The following SLC9A9 variants were observed in gnomAD, a reference collection of about 807,000 sequenced individuals.
SLC9A9 encodes sodium/hydrogen exchanger 9.
A neutral mutation model predicts 77.8 loss-of-function variants in SLC9A9; 62 were observed. That is an observed-to-expected ratio of 0.80 (90% CI 0.65 to 0.98). The LOEUF (loss-of-function observed/expected upper bound fraction) is 0.98, where lower values mean the gene tolerates loss of function less well. Ranked by LOEUF, SLC9A9 falls within the 50% of genes least tolerant of loss-of-function variation. The pLI is 0.00. For missense variants in SLC9A9, 775 were observed against 774.9 expected, an observed-to-expected ratio of 1.00 and a Z score of 0.00; for synonymous variants, 320 against 283.5, an observed-to-expected ratio of 1.13 and a Z score of -1.29.
chr3:143,671,025 C>T (rs943122646), intron 5 of SLC9A9, among the ~76,000 whole-genome samples: 1 of 152,212 alleles, frequency 6.6e-6, no homozygotes, highest in African/African-American at 2.4e-5. Context: ...TCTCCCATCT[C>T]TGCCACTTAC....
rs1283908977 is a variant in SLC9A9 at position 143,449,759 on chromosome 3, GTATATATAATTATATATATT to G, written c.1469+17258_1469+17277del. Among the ~76,000 whole-genome samples, 4 of 9,478 alleles carry G rather than the reference GTATATATAATTATATATATT, an allele frequency of 4.2e-4. 2 individuals are homozygous for G. Among genetic ancestry groups the G allele is most frequent in the Admixed American group, 4.9e-3 (2 of 408 alleles). 6.2% of individuals were successfully genotyped at this position (9,478 alleles called of 152,430 possible). ...ATTATATAAAATAAAAATTATACAAGTATATATAATTATATATATTTATATATAATTATATATATTTTATA... is the reference window on the plus strand; with the variant it reads ...ATTATATAAAATAAAAATTATACAAGTATATATAATTATATATATTTTATA... On this transcript the variant is annotated intron_variant, in intron 12 of 15. Coordinates refer to ENST00000316549, the MANE Select transcript of SLC9A9 (RefSeq NM_173653.4).
Position 143,265,953 on chromosome 3 carries a change from T to C in SLC9A9, c.*749A>G. 1.5e-6 allele frequency: 1 copy of C among 661,418 alleles called. No homozygotes were observed. Among genetic ancestry groups the C allele is most frequent in the African/African-American group, 1.8e-5 (1 of 56,000 alleles). The allele number at this position is 661,418 out of a possible 1,614,324, so 41.0% of individuals were successfully genotyped here. ...ATGCAGGCAAGGACGGGAAGGCTTGTTCTTCAGGCACAACGTGGTATGGGG... is the reference window on the plus strand; with the variant it reads ...ATGCAGGCAAGGACGGGAAGGCTTGCTCTTCAGGCACAACGTGGTATGGGG... On this transcript the variant is annotated 3_prime_UTR_variant, in exon 16 of 16. Coordinates refer to ENST00000316549, the MANE Select transcript of SLC9A9 (RefSeq NM_173653.4).
chr3:143,832,508 A>T (rs146580717), intron 1 of SLC9A9, among the ~76,000 whole-genome samples: 1 of 152,246 alleles, frequency 6.6e-6, no homozygotes, highest in African/African-American at 2.4e-5. Flanking sequence ...CCTTCTATCC[A>T]TCCAAATACT....
At chr3:143,569,788 G>T (rs1341196468) in intron 8 of SLC9A9, among the ~76,000 whole-genome samples, 1 of 150,786 alleles carries the variant, frequency 6.6e-6, no homozygotes, top group Non-Finnish European at 1.5e-5. Flanking sequence ...ACAGTCAAAA[G>T]GTTAATTTTC....
intron 14 of SLC9A9, among the ~76,000 whole-genome samples, chr3:143,356,220 T>C (rs541928631): frequency 6.6e-6 from 1 of 152,304 alleles, no homozygotes; most frequent in African/African-American, 2.4e-5. Flanking sequence ...ATTTAGGCCA[T>C]AGGGTCTTGA....
chr3:143,278,222 T>G (rs966909901), intron 14 of SLC9A9, among the ~76,000 whole-genome samples: 1 of 152,180 alleles, frequency 6.6e-6, no homozygotes. Context: ...CTCAGAGCAC[T>G]AAGTCAAAGA....
chr3:143,533,418 G>A (rs2036545504), intron 9 of SLC9A9, among the ~76,000 whole-genome samples: 1 of 152,116 alleles, frequency 6.6e-6, no homozygotes, highest in Admixed American at 6.5e-5. Context: ...TTTGACTTCT[G>A]GTAGGCATTA....
chr3:143,842,007 G>T (rs140247000), intron 1 of SLC9A9, among the ~76,000 whole-genome samples: 1 of 152,090 alleles, frequency 6.6e-6, no homozygotes, highest in African/African-American at 2.4e-5. Context: ...CACTTGCCTC[G>T]GCCTCCCAAA....
In SLC9A9 at chr3:143,543,169, C is replaced by A. The variant is rs189952822; in HGVS notation, c.1089+9193G>T. The stretch of plus-strand genomic sequence containing the variant: ...CCTAAAAGGCTTAACCAATTATTAC[C>A]CTTATAGGATAGAATTCTTCCAAGG... On this transcript the variant is annotated intron_variant, in intron 9 of 15. Transcript: ENST00000316549. 8.5e-5 allele frequency among the ~76,000 whole-genome samples: 13 copies of A among 152,202 alleles called. No homozygotes were observed. The East Asian group carries it at 2.5e-3, about 29-fold the overall frequency.
At chr3:143,789,657 A>C (rs2008159862) in intron 4 of SLC9A9, among the ~76,000 whole-genome samples, 1 of 152,034 alleles carries the variant, frequency 6.6e-6, no homozygotes, top group African/African-American at 2.4e-5. Flanking sequence ...TATCCTAATT[A>C]AGAACAGGTT....
intron 5 of SLC9A9, among the ~76,000 whole-genome samples, chr3:143,662,123 TGTA>T (rs988837302): frequency 6.6e-6 from 1 of 152,200 alleles, no homozygotes; most frequent in Non-Finnish European, 1.5e-5. Context: ...AGCCACATTT[TGTA>T]GTTCAGTGTC....
chr3:143,399,246 A>G (rs189977784), intron 12 of SLC9A9, among the ~76,000 whole-genome samples: 284 of 152,332 alleles, frequency 1.9e-3, no homozygotes, highest in African/African-American at 6.6e-3. Flanking sequence ...ACACATAAAA[A>G]GAGAAGAAAA....
chr3:143,824,659 C>A (rs1209141450), intron 2 of SLC9A9, among the ~76,000 whole-genome samples: 2 of 152,142 alleles, frequency 1.3e-5, no homozygotes, highest in Non-Finnish European at 2.9e-5. Context: ...GCACCTAAAA[C>A]CAATGCCTGG....
At chr3:143,563,205 T>A (rs1027611107) in intron 8 of SLC9A9, among the ~76,000 whole-genome samples, 5 of 152,182 alleles carry the variant, frequency 3.3e-5, no homozygotes, top group African/African-American at 1.2e-4. Context: ...TCTATGCTTC[T>A]TGGGGAAAAA....
At chr3:143,356,688 CT>C (rs991457921) in intron 14 of SLC9A9, among the ~76,000 whole-genome samples, 8 of 151,864 alleles carry the variant, frequency 5.3e-5, no homozygotes, top group African/African-American at 1.2e-4. Context: ...GCTCAGTTAA[CT>C]TTTTTTGTAG....
intron 6 of SLC9A9, among the ~76,000 whole-genome samples, chr3:143,582,624 C>G (rs1022125571): frequency 6.6e-6 from 1 of 152,044 alleles, no homozygotes; most frequent in South Asian, 2.1e-4. Context: ...AGGCAGGTAC[C>G]GCAGAGAAAT....
chr3:143,298,361 C>G (rs1266860191), intron 14 of SLC9A9, among the ~76,000 whole-genome samples: 1 of 152,180 alleles, frequency 6.6e-6, no homozygotes, highest in Non-Finnish European at 1.5e-5. Flanking sequence ...GAGCCAGTGA[C>G]CGTTTTGTTC....
At chr3:143,686,418 A>T (rs9810966) in intron 5 of SLC9A9, among the ~76,000 whole-genome samples, 49,462 of 151,980 alleles carry the variant, frequency 0.33, 8,750 homozygotes, top group East Asian at 0.4. Context: ...CGGACAGGGG[A>T]TAGAAAGCTC....
At position 143,266,752 on chromosome 3, in the gene SLC9A9, C is replaced by T; in HGVS notation, c.1888G>A (p.Gly630Ser). The T allele has an allele frequency of 6.2e-7, 1 of 1,614,184 alleles. No individual in the cohort carries two copies. Among genetic ancestry groups the T allele is most frequent in the East Asian group, 2.2e-5 (1 of 44,872 alleles). Residue 630 changes from glycine (G) to serine (S), a missense_variant, in exon 16 of 16, where the codon GGC (glycine) becomes AGC (serine). Coordinates refer to ENST00000316549, the MANE Select transcript of SLC9A9 (RefSeq NM_173653.4). Reference protein sequence around the residue: ...NIYEGDLGLGGYELKLEQTLG... With the variant: ...NIYEGDLGLGSYELKLEQTLG... ...GTTTGCTCAAGCTTGAGTTCATAGCCTCCCAGGCCGAGGTCTCCCTCATAA... is the reference window on the plus strand; with the variant it reads ...GTTTGCTCAAGCTTGAGTTCATAGCTTCCCAGGCCGAGGTCTCCCTCATAA...
Sources: allele counts gnomAD v4.1 joint callset (sites outside exome capture counted in the v4.1 genomes callset), GRCh38; gene constraint gnomAD v4.1.1; transcripts MANE v1.5; gene names NCBI Gene and HGNC (gene_info 2026-07-23, HGNC 2026-07-21).